MAPRE2: variants seen among roughly 807,000 people sequenced by gnomAD.
MAPRE2 encodes microtubule associated protein RP/EB family member 2.
A neutral mutation model predicts 43.2 loss-of-function variants in MAPRE2; 13 were observed. That is an observed-to-expected ratio of 0.30 (90% CI 0.20 to 0.48). The LOEUF is 0.48. MAPRE2 is among the 20% of genes least tolerant of loss of function. MAPRE2 has a pLI of 0.99. For missense variants in MAPRE2, 161 were observed against 400.2 expected (o/e 0.40, Z 5.10); for synonymous variants, 135 against 148.8 (o/e 0.91, Z 0.68).
chr18:35,125,388 C>T (rs901101955), intron 4 of MAPRE2, among the ~76,000 whole-genome samples: 14 of 152,248 alleles, frequency 9.2e-5, no homozygotes, highest in Admixed American at 3.3e-4. Context: ...TTGGAAACCG[C>T]ATCACTAAAA....
chr18:35,034,700 A>G (rs1295185102), intron 2 of MAPRE2, among the ~76,000 whole-genome samples: 1 of 152,232 alleles, frequency 6.6e-6, no homozygotes, highest in East Asian at 1.9e-4. Context: ...AAGTGGGCAA[A>G]GGACATGAAC....
At chr18:35,075,465 TG>T (rs929490261) in intron 2 of MAPRE2, among the ~76,000 whole-genome samples, 1 of 152,214 alleles carries the variant, frequency 6.6e-6, no homozygotes, top group Non-Finnish European at 1.5e-5. Context: ...ATTGGCTCTC[TG>T]GTATTGAAAC....
At chr18:35,060,231 G>C (rs997473315) in intron 1 of MAPRE2, among the ~76,000 whole-genome samples, 2 of 152,146 alleles carry the variant, frequency 1.3e-5, no homozygotes, top group Non-Finnish European at 2.9e-5. Context: ...AGGCCAAGTA[G>C]GGCTGGGAAA....
chr18:35,033,722 GACAA>G (rs1422774288), intron 2 of MAPRE2, among the ~76,000 whole-genome samples: 1 of 151,286 alleles, frequency 6.6e-6, no homozygotes, highest in Non-Finnish European at 1.5e-5. Flanking sequence ...ACTAATAACA[GACAA>G]ACAGAGAGCC....
At chr18:35,132,825 T>TAA (rs1424803568) in intron 6 of MAPRE2, among the ~76,000 whole-genome samples, 1 of 152,140 alleles carries the variant, frequency 6.6e-6, no homozygotes, top group Non-Finnish European at 1.5e-5. Flanking sequence ...GGAGGAGGAA[T>TAA]AAGAATCTAG....
chr18:35,038,913 G>A (rs540326986), upstream of MAPRE2, among the ~76,000 whole-genome samples: 11 of 152,122 alleles, frequency 7.2e-5, no homozygotes, highest in Non-Finnish European at 1.5e-4. Context: ...CGGCCCTTGG[G>A]GCCCTTCACC....
intron 2 of MAPRE2, among the ~76,000 whole-genome samples, chr18:35,073,558 T>G (rs1158617028): frequency 6.6e-6 from 1 of 152,216 alleles, no homozygotes; most frequent in African/African-American, 2.4e-5. Context: ...TTTAAAATGA[T>G]TTAAAATGTC....
chr18:35,078,300 T>C (rs1409734397), intron 2 of MAPRE2, among the ~76,000 whole-genome samples: 1 of 152,178 alleles, frequency 6.6e-6, no homozygotes, highest in Non-Finnish European at 1.5e-5. Context: ...TTTTGGAGAT[T>C]CATGTTTTGC....
At chr18:34,989,570 A>C (rs1325169800) in intron 1 of MAPRE2, among the ~76,000 whole-genome samples, 1 of 152,160 alleles carries the variant, frequency 6.6e-6, no homozygotes, top group Non-Finnish European at 1.5e-5. Context: ...AAAAATTGCC[A>C]GGCATGGTGC....
chr18:35,123,802 T>TTATTGAA (rs1446899179), intron 4 of MAPRE2, among the ~76,000 whole-genome samples: 1 of 152,216 alleles, frequency 6.6e-6, no homozygotes, highest in Non-Finnish European at 1.5e-5. Flanking sequence ...ATAAAAACTA[T>TTATTGAA]TATTGAATTT....
At chr18:35,027,139 G>A (rs2097045648) in intron 2 of MAPRE2, among the ~76,000 whole-genome samples, 1 of 152,122 alleles carries the variant, frequency 6.6e-6, no homozygotes, top group Non-Finnish European at 1.5e-5. Context: ...TGTGTGGCAG[G>A]TTTTCCAAAG....
chr18:35,046,157 G>A (rs763818752), intron 1 of MAPRE2, among the ~76,000 whole-genome samples: 9 of 152,116 alleles, frequency 5.9e-5, no homozygotes, highest in South Asian at 2.1e-4. Context: ...GGAAATTTGG[G>A]ACTAATTTAA....
intron 5 of MAPRE2, among the ~76,000 whole-genome samples, chr18:35,129,518 T>C (rs1910054423): frequency 6.6e-6 from 1 of 152,172 alleles, no homozygotes; most frequent in South Asian, 2.1e-4. Flanking sequence ...TGCTAGACCA[T>C]TCCCATGATA....
chr18:35,004,113 T>C (rs2097030641), intron 1 of MAPRE2, among the ~76,000 whole-genome samples: 5 of 152,202 alleles, frequency 3.3e-5, no homozygotes, highest in Admixed American at 6.5e-5. Context: ...TTCTCTTGAC[T>C]CTTGCCATTT....
At chr18:35,116,488 A>G (rs1909416183) in intron 4 of MAPRE2, among the ~76,000 whole-genome samples, 1 of 152,238 alleles carries the variant, frequency 6.6e-6, no homozygotes, top group Non-Finnish European at 1.5e-5. Context: ...TAATCCAGGT[A>G]TCCACTGGGG....
intron 1 of MAPRE2, among the ~76,000 whole-genome samples, chr18:34,990,377 G>A (rs1356259945): frequency 6.6e-6 from 1 of 152,180 alleles, no homozygotes; most frequent in Non-Finnish European, 1.5e-5. Context: ...TTTGGTAAGG[G>A]TTTAGAAGGA....
chr18:35,122,014 T>C (rs1259072852), intron 4 of MAPRE2, among the ~76,000 whole-genome samples: 6 of 152,002 alleles, frequency 3.9e-5, no homozygotes, highest in Admixed American at 2.0e-4. Context: ...AATTTTAGAG[T>C]GTGGTTGTTA....
chr18:35,133,850 C>A (rs756107700), intron 6 of MAPRE2, among the ~76,000 whole-genome samples: 14 of 152,152 alleles, frequency 9.2e-5, no homozygotes, highest in Non-Finnish European at 1.5e-4. Flanking sequence ...AGGGGGTCTA[C>A]CTAGATGACC....
intron 1 of MAPRE2, among the ~76,000 whole-genome samples, chr18:34,994,842 A>G (rs1285181431): frequency 6.6e-6 from 1 of 152,202 alleles, no homozygotes; most frequent in Non-Finnish European, 1.5e-5. Context: ...TGGCATGCCC[A>G]AAGTCACATA....
Sources: gnomAD v4.1 joint callset for allele counts (sites outside exome capture counted in the v4.1 genomes callset) on GRCh38, gnomAD v4.1.1 for gene constraint, MANE v1.5 for transcripts, NCBI Gene and HGNC (gene_info 2026-07-23, HGNC 2026-07-21) for gene names.